DLGAP2: variants seen among roughly 807,000 people sequenced by gnomAD.
DLGAP2 encodes the protein DLG associated protein 2.
Under a neutral mutation model 100.3 loss-of-function variants are expected in DLGAP2, and 26 were observed. The observed-to-expected ratio is 0.26, with a 90% CI of 0.19 to 0.36. The LOEUF (loss-of-function observed/expected upper bound fraction) is 0.36. Among genes scored for constraint, DLGAP2 ranks in the 10% least tolerant of loss-of-function variants. The pLI, the probability that DLGAP2 is intolerant of heterozygous loss-of-function variation, is 1.00. For missense variants in DLGAP2, 1,858 were observed against 1,453.2 expected (o/e 1.28, Z -4.53); for synonymous variants, 886 against 630.1 (o/e 1.41, Z -6.08).
intron 6 of DLGAP2, among the ~76,000 whole-genome samples, chr8:1,591,889 G>A (rs1451730290): frequency 6.6e-6 from 1 of 152,182 alleles, no homozygotes; most frequent in East Asian, 1.9e-4. Flanking sequence ...AACTCCCACG[G>A]ACTCCCAGGG....
intron 2 of DLGAP2, among the ~76,000 whole-genome samples, chr8:1,066,446 C>T (rs1437975774): frequency 7.0e-6 from 1 of 142,612 alleles, no homozygotes. Context: ...CAGCTCCCCA[C>T]CTTGGGCAGG....
At chr8:1,322,854 T>C (rs78346531) in intron 3 of DLGAP2, among the ~76,000 whole-genome samples, 2,752 of 152,346 alleles carry the variant, frequency 0.018, 36 homozygotes, top group Non-Finnish European at 0.029. Flanking sequence ...GTTTCTATGA[T>C]GTATCATTTG....
intron 6 of DLGAP2, among the ~76,000 whole-genome samples, chr8:1,585,893 T>G (rs1333914089): frequency 3.3e-5 from 5 of 152,264 alleles, no homozygotes; most frequent in African/African-American, 1.2e-4. Context: ...GCCAGGGGTT[T>G]CCACTGCCCA....
chr8:957,450 T>A (rs753683008), intron 2 of DLGAP2, among the ~76,000 whole-genome samples: 5 of 152,228 alleles, frequency 3.3e-5, no homozygotes, highest in African/African-American at 4.8e-5. Flanking sequence ...GTGACTCCAT[T>A]ATGCTCAGAA....
chr8:1,438,422 C>G (rs926470033), intron 3 of DLGAP2, among the ~76,000 whole-genome samples: 2 of 152,008 alleles, frequency 1.3e-5, no homozygotes, highest in African/African-American at 4.8e-5. Flanking sequence ...GGGAGTTTTT[C>G]CAAAGAATAA....
chr8:1,259,750 G>A (rs943934989), intron 3 of DLGAP2: 18 of 152,140 alleles, frequency 1.2e-4, no homozygotes, highest in African/African-American at 4.3e-4. Context: ...GGTCACAGAA[G>A]CTCAACCGTG....
At chr8:953,394 A>G (rs1352197244) in intron 2 of DLGAP2, among the ~76,000 whole-genome samples, 1 of 152,094 alleles carries the variant, frequency 6.6e-6, no homozygotes, top group Non-Finnish European at 1.5e-5. Context: ...GGATTTCGCC[A>G]TGTTGGCCAG....
rs1325317415 is a variant in DLGAP2 at position 1,549,356 on chromosome 8, C to G, written c.903C>G (p.Asp301Glu). The G allele has an allele frequency of 6.2e-7, 1 of 1,613,456 alleles. No homozygotes were observed. Among genetic ancestry groups the G allele is most frequent in the East Asian group, 2.2e-5 (1 of 44,864 alleles). Reference sequence around the variant, plus strand: ...TGAGCAGCTGGTGGAGCTCGGACGACAACCTGGACAGCGACAGCACCTATC... The same window carrying G: ...TGAGCAGCTGGTGGAGCTCGGACGAGAACCTGGACAGCGACAGCACCTATC... ...PGMSSWWSSD[D>E]NLDSDSTYRT... is the part of the protein sequence containing the mutation. The change falls in exon 5 of 15, where the codon GAC (aspartate) becomes GAG (glutamate). Residue 301 changes from aspartate (D) to glutamate (E), a missense_variant. By Grantham distance (45) the Asp-to-Glu change is conservative (BLOSUM62 2). Coordinates refer to ENST00000637795, the MANE Select transcript of DLGAP2 (RefSeq NM_001346810.2).
intron 3 of DLGAP2, among the ~76,000 whole-genome samples, chr8:1,283,291 G>C (rs1799857988): frequency 6.6e-6 from 1 of 151,670 alleles, no homozygotes; most frequent in African/African-American, 2.4e-5. Context: ...GGTGCGACCT[G>C]AACCCAGCAC....
At chr8:895,611 G>A (rs1420733369) in intron 1 of DLGAP2, among the ~76,000 whole-genome samples, 2 of 152,196 alleles carry the variant, frequency 1.3e-5, no homozygotes, top group African/African-American at 4.8e-5. Flanking sequence ...TGGGGCCATT[G>A]CAGTGGGTTT....
intron 2 of DLGAP2, among the ~76,000 whole-genome samples, chr8:1,090,142 T>C (rs1463498063): frequency 1.4e-5 from 2 of 142,116 alleles, no homozygotes; most frequent in Non-Finnish European, 3.1e-5. Flanking sequence ...CTGTCTGCGC[T>C]CTGGAGCCCT....
At chr8:776,742 C>T (rs905648958) in intron 1 of DLGAP2, among the ~76,000 whole-genome samples, 4 of 152,156 alleles carry the variant, frequency 2.6e-5, no homozygotes, top group African/African-American at 9.7e-5. Context: ...TGTTCTTTTA[C>T]ATGTGCTGAG....
At chr8:1,668,807 T>C (rs1798614855) in intron 9 of DLGAP2, 129 bp downstream of exon 9, 1 of 909,504 alleles carries the variant, frequency 1.1e-6, no homozygotes. Context: ...GGCTGTGGAA[T>C]CTGAGAGCAG....
chr8:812,225 C>T (rs79051228), intron 1 of DLGAP2, among the ~76,000 whole-genome samples: 19,092 of 152,058 alleles, frequency 0.13, 1,384 homozygotes, highest in East Asian at 0.25. Flanking sequence ...GGTACTGCAG[C>T]GAGGGTTCGA....
chr8:753,680 C>G (rs1188917267), intron 1 of DLGAP2: 4 of 152,180 alleles, frequency 2.6e-5, no homozygotes, highest in African/African-American at 9.7e-5. Flanking sequence ...ATTCATCATT[C>G]GAATGCTGTG....
chr8:764,533 C>T (rs544615285), intron 1 of DLGAP2, among the ~76,000 whole-genome samples: 26 of 152,250 alleles, frequency 1.7e-4, no homozygotes, highest in Non-Finnish European at 2.8e-4. Flanking sequence ...GTGGAGCCCA[C>T]AGACTCTGTG....
intron 2 of DLGAP2, among the ~76,000 whole-genome samples, chr8:1,184,480 G>A (rs1797457431): frequency 6.6e-6 from 1 of 152,202 alleles, no homozygotes; most frequent in South Asian, 2.1e-4. Context: ...TTCTTCTCTG[G>A]GAGCCAGTGG....
At chr8:1,597,565 C>A (rs1332679700) in intron 6 of DLGAP2, among the ~76,000 whole-genome samples, 2 of 152,018 alleles carry the variant, frequency 1.3e-5, no homozygotes, top group Non-Finnish European at 2.9e-5. Flanking sequence ...TTGTAGTTCT[C>A]CTTGAAGAGG....
intron 1 of DLGAP2, among the ~76,000 whole-genome samples, chr8:755,143 A>G (rs1408888737): frequency 6.6e-6 from 1 of 152,168 alleles, no homozygotes; most frequent in Non-Finnish European, 1.5e-5. Flanking sequence ...TTGTAAATAC[A>G]GAGGACAGTG....
Sources: allele counts gnomAD v4.1 joint callset (sites outside exome capture counted in the v4.1 genomes callset), GRCh38; gene constraint gnomAD v4.1.1; transcripts MANE v1.5; gene names NCBI Gene and HGNC (gene_info 2026-07-23, HGNC 2026-07-21).